TNFRSF19: variants seen among roughly 807,000 people sequenced by gnomAD.
TNFRSF19 encodes the protein tumor necrosis factor receptor superfamily member 19.
Under a neutral mutation model 46.4 loss-of-function variants are expected in TNFRSF19, and 27 were observed. That is an observed-to-expected ratio of 0.58 (90% CI 0.43 to 0.80). The LOEUF is 0.80. TNFRSF19 is among the 30% of genes least tolerant of loss of function. The pLI is 0.00. For synonymous variants in TNFRSF19, 204 were observed against 205.0 expected (o/e 1.00, Z 0.04); for missense variants, 511 against 530.8 (o/e 0.96, Z 0.37).
chr13:23,656,564 T>A (rs1033463398), intron 5 of TNFRSF19, among the ~76,000 whole-genome samples: 4 of 152,226 alleles, frequency 2.6e-5, no homozygotes, highest in African/African-American at 9.7e-5. Context: ...AGCTTAATGG[T>A]TACAACAGTT....
rs150578229 is a variant in TNFRSF19, at chr13:23,607,842, C to T, written c.181-8025C>T. Among the ~76,000 whole-genome samples, 409 of 152,280 alleles carry T rather than the reference C, an allele frequency of 2.7e-3. 1 individual carries two copies. Among genetic ancestry groups the T allele is most frequent in the African/African-American group, 9.4e-3 (391 of 41,544 alleles). On this transcript the variant is annotated intron_variant, in intron 3 of 9. Coordinates refer to ENST00000248484, the MANE Select transcript of TNFRSF19 (RefSeq NM_148957.4). The stretch of plus-strand genomic sequence containing the variant: ...TTCAATTACAAACATGTACCTGTGC[C>T]TTAAAACTAAAGCCTGGAAGTGCTT...
rs545332691 is a variant in TNFRSF19, at chr13:23,654,753, C to T, written c.446-4297C>T. ...GGCCTGAATCCAGTTTTCAAGCTGC[C>T]TCTGCTTTGCTGTGTAACCTTGAGC... is the stretch of plus-strand genomic sequence containing the variant. On this transcript the variant is annotated intron_variant, in intron 5 of 9. Transcript: ENST00000248484. 5.3e-5 allele frequency among the ~76,000 whole-genome samples: 8 copies of T among 152,328 alleles called. No homozygotes were observed. In the South Asian group the frequency reaches 1.4e-3, roughly 28 times the overall value.
chr13:23,635,763 G>T (rs576367745), intron 5 of TNFRSF19, among the ~76,000 whole-genome samples: 1 of 152,244 alleles, frequency 6.6e-6, no homozygotes, highest in East Asian at 1.9e-4. Context: ...TTTATCTATT[G>T]TAAGTCATGC....
intron 5 of TNFRSF19, among the ~76,000 whole-genome samples, chr13:23,657,680 TTTCTTC>T (rs145215064): frequency 6.4e-5 from 9 of 139,566 alleles, no homozygotes; most frequent in African/African-American, 2.0e-4. Flanking sequence ...ATTTTACCTG[TTTCTTC>T]TTCTTCTTCT....
intron 3 of TNFRSF19, among the ~76,000 whole-genome samples, chr13:23,601,264 G>A (rs370820114): frequency 2.4e-4 from 36 of 152,122 alleles, no homozygotes; most frequent in African/African-American, 8.7e-4. Flanking sequence ...AACGCCATAT[G>A]TACAGAGGAG....
chr13:23,673,161 G>A (rs779967930), intron 9 of TNFRSF19, among the ~76,000 whole-genome samples: 2 of 152,148 alleles, frequency 1.3e-5, no homozygotes, highest in African/African-American at 4.8e-5. Flanking sequence ...GGGTGACTAC[G>A]AATTGTTATG....
intron 5 of TNFRSF19, among the ~76,000 whole-genome samples, chr13:23,656,043 C>T (rs957160725): frequency 1.3e-5 from 2 of 152,102 alleles, no homozygotes; most frequent in Non-Finnish European, 1.5e-5. Context: ...AAGGCAGTTT[C>T]CAGAGCCCTA....
In TNFRSF19 at chr13:23,658,965, A is replaced by G. The variant is rs1884160671; in HGVS notation, c.446-85A>G. The G allele has an allele frequency of 2.5e-6, 4 of 1,569,240 alleles. No individual in the cohort carries two copies. The Admixed American group carries it at 5.0e-5, about 20-fold the overall frequency. On this transcript the variant is annotated intron_variant, in intron 5 of 9. Transcript: ENST00000248484. ...AGTTTTCTCACAGCATGGGAAGGCC[A>G]CTGGTAAGGGTGCCTGCCAGCTTCG...
intron 5 of TNFRSF19, among the ~76,000 whole-genome samples, chr13:23,642,868 GA>G (rs1380164585): frequency 6.6e-6 from 1 of 152,192 alleles, no homozygotes; most frequent in African/African-American, 2.4e-5. Context: ...ACTCCTCATT[GA>G]CTAAAATCAG....
At chr13:23,663,664 T>C (rs532652824) in intron 7 of TNFRSF19, among the ~76,000 whole-genome samples, 37 of 152,278 alleles carry the variant, frequency 2.4e-4, no homozygotes, top group South Asian at 1.0e-3. Flanking sequence ...TGGTAGGCTA[T>C]TTACTACTGA....
At chr13:23,670,241 C>T (rs958782509) in intron 9 of TNFRSF19, among the ~76,000 whole-genome samples, 1 of 152,198 alleles carries the variant, frequency 6.6e-6, no homozygotes, top group Admixed American at 6.5e-5. Flanking sequence ...GTCGCCCAGG[C>T]CAGAGCTCAG....
chr13:23,575,970 AT>A (rs1877929425), intron 1 of TNFRSF19, among the ~76,000 whole-genome samples: 2 of 152,162 alleles, frequency 1.3e-5, no homozygotes, highest in East Asian at 1.9e-4. Context: ...TTTAACATAA[AT>A]CTTAAAAACA....
At chr13:23,672,168 T>C (rs1951771523) in intron 9 of TNFRSF19, among the ~76,000 whole-genome samples, 1 of 152,220 alleles carries the variant, frequency 6.6e-6, no homozygotes, top group East Asian at 1.9e-4. Context: ...TGACCCATAA[T>C]CTGATGATAG....
chr13:23,634,148 T>C (rs1882533041), intron 5 of TNFRSF19, among the ~76,000 whole-genome samples: 1 of 152,250 alleles, frequency 6.6e-6, no homozygotes, highest in Non-Finnish European at 1.5e-5. Flanking sequence ...TTTAGCAGTT[T>C]TCTCCCATAA....
chr13:23,651,893 T>TAAAAAAAAAAAAAAAAAAAAAA (rs34023907), intron 5 of TNFRSF19, among the ~76,000 whole-genome samples: 2 of 9,964 alleles, frequency 2.0e-4, no homozygotes, highest in Non-Finnish European at 3.6e-4. Context: ...CATAACATGC[T>TAAAAAAAAAAAAAAAAAAAAAA]AAAAAAAAAA....
chr13:23,656,650 T>G (rs1884002478), intron 5 of TNFRSF19, among the ~76,000 whole-genome samples: 1 of 152,202 alleles, frequency 6.6e-6, no homozygotes, highest in African/African-American at 2.4e-5. Context: ...AACCCCATAT[T>G]GTGTAGGGCT....
intron 9 of TNFRSF19, among the ~76,000 whole-genome samples, chr13:23,670,930 C>T (rs1011611615): frequency 6.6e-6 from 1 of 152,198 alleles, no homozygotes; most frequent in African/African-American, 2.4e-5. Flanking sequence ...TGTCAGGAAA[C>T]AGAATTACCA....
intron 5 of TNFRSF19, among the ~76,000 whole-genome samples, chr13:23,658,208 C>A (rs1884109041): frequency 1.3e-5 from 2 of 152,266 alleles, no homozygotes; most frequent in South Asian, 4.1e-4. Context: ...TTACTATCAT[C>A]ATCATTACAG....
intron 7 of TNFRSF19, among the ~76,000 whole-genome samples, chr13:23,665,584 G>A (rs111596268): frequency 4.6e-4 from 2 of 4,316 alleles, no homozygotes; most frequent in East Asian, 4.4e-3. Flanking sequence ...AAATATTAAC[G>A]TTACCCATGT....
Sources: allele counts gnomAD v4.1 joint callset (sites outside exome capture counted in the v4.1 genomes callset), GRCh38; gene constraint gnomAD v4.1.1; transcripts MANE v1.5; gene names NCBI Gene and HGNC (gene_info 2026-07-23, HGNC 2026-07-21).